NRXN1: variants seen among roughly 807,000 people sequenced by gnomAD.
NRXN1 encodes the protein neurexin-1.
In NRXN1, 39 loss-of-function variants were observed where a neutral mutation model predicts 150.9. The observed-to-expected ratio is 0.26, with a 90% CI of 0.20 to 0.34. NRXN1 has a LOEUF of 0.34. Among genes scored for constraint, NRXN1 ranks in the 10% least tolerant of loss-of-function variants. NRXN1 has a pLI of 1.00. For missense variants in NRXN1, 1,815 were observed against 1,949.9 expected, an observed-to-expected ratio of 0.93 and a Z score of 1.30; for synonymous variants, 924 against 757.0, an observed-to-expected ratio of 1.22 and a Z score of -3.62.
intron 8 of NRXN1, among the ~76,000 whole-genome samples, chr2:50,610,166 A>G (rs2104063020): frequency 6.6e-6 from 1 of 152,206 alleles, no homozygotes; most frequent in South Asian, 2.1e-4. Context: ...ATTAAGAGGA[A>G]CTCCAAAATA....
intron 13 of NRXN1, 127 bp downstream of exon 13, chr2:50,506,368 T>C (rs1037013290): frequency 6.5e-6 from 5 of 772,644 alleles, no homozygotes; most frequent in African/African-American, 5.4e-5. Flanking sequence ...TAGAAAAAAA[T>C]AGAATAAAAA....
chr2:50,896,715 G>A (rs956120917), intron 5 of NRXN1, among the ~76,000 whole-genome samples: 36 of 152,076 alleles, frequency 2.4e-4, no homozygotes, highest in African/African-American at 8.2e-4. Context: ...GTGTGGTGGG[G>A]CATGCCCATA....
chr2:50,938,630 G>A (rs926845001), intron 2 of NRXN1, among the ~76,000 whole-genome samples: 1 of 152,082 alleles, frequency 6.6e-6, no homozygotes, highest in Non-Finnish European at 1.5e-5. Context: ...CCTAAGACTG[G>A]GTAATTCATA....
intron 12 of NRXN1, among the ~76,000 whole-genome samples, chr2:50,526,485 C>T (rs1377567411): frequency 6.6e-6 from 1 of 152,118 alleles, no homozygotes; most frequent in African/African-American, 2.4e-5. Flanking sequence ...GCAAGTTATA[C>T]TGAGATACAG....
At chr2:50,209,953 C>T (rs531799867) in intron 18 of NRXN1, among the ~76,000 whole-genome samples, 19 of 152,010 alleles carry the variant, frequency 1.2e-4, no homozygotes, top group African/African-American at 2.2e-4. Context: ...TATGTATTAA[C>T]GATAATGCTG....
At chr2:50,329,629 A>G (rs1385957502) in intron 17 of NRXN1, among the ~76,000 whole-genome samples, 290 of 4,898 alleles carry the variant, frequency 0.059, 3 homozygotes, top group East Asian at 0.16. Flanking sequence ...ATATATATAT[A>G]TATATATATA....
intron 17 of NRXN1, among the ~76,000 whole-genome samples, chr2:50,285,539 G>T (rs1025970453): frequency 6.6e-6 from 1 of 152,168 alleles, no homozygotes; most frequent in Non-Finnish European, 1.5e-5. Flanking sequence ...CAAATATGGG[G>T]AAAACATGCA....
intron 17 of NRXN1, among the ~76,000 whole-genome samples, chr2:50,240,433 A>T (rs570965779): frequency 1.3e-3 from 201 of 151,666 alleles, no homozygotes; most frequent in Non-Finnish European, 2.3e-3. Context: ...GATTTTTTTT[A>T]AAAAATTAAC....
Position 51,027,566 on chromosome 2 carries a change from C to G in NRXN1, c.708G>C (p.Val236=). The change falls in exon 2 of 23, where the codon GTG becomes GTC. Residue 236 remains valine (V), a synonymous_variant. Transcript: ENST00000401669. The part of the protein sequence containing the change: ...GVCLNGGVCS[V]VDDQAVCDCS... ...AGTCGCACACGGCCTGGTCGTCCACCACGGAGCACACACCTCCGTTGAGGC... is the reference window on the plus strand; with the variant it reads ...AGTCGCACACGGCCTGGTCGTCCACGACGGAGCACACACCTCCGTTGAGGC... The G allele has an allele frequency of 6.2e-7, 1 of 1,600,644 alleles. No individual in the cohort carries two copies. The highest frequency in any genetic ancestry group is 8.5e-7 in the Non-Finnish European group (1 of 1,170,928).
intron 2 of NRXN1, among the ~76,000 whole-genome samples, chr2:51,006,600 C>T (rs1174705328): frequency 6.6e-6 from 1 of 151,554 alleles, no homozygotes; most frequent in African/African-American, 2.4e-5. Flanking sequence ...CTTATAATAA[C>T]CTTCTGTTAC....
At chr2:50,949,305 G>A (rs1343614317) in intron 2 of NRXN1, among the ~76,000 whole-genome samples, 1 of 152,024 alleles carries the variant, frequency 6.6e-6, no homozygotes, top group Non-Finnish European at 1.5e-5. Context: ...GGATGAAAGT[G>A]TTGCTGGTTT....
intron 17 of NRXN1, among the ~76,000 whole-genome samples, chr2:50,274,148 T>C (rs1243146825): frequency 6.6e-6 from 1 of 152,106 alleles, no homozygotes; most frequent in Non-Finnish European, 1.5e-5. Flanking sequence ...AATGACAGAC[T>C]GGATAAAGAA....
At chr2:50,429,988 T>C (rs1233012467) in intron 17 of NRXN1, among the ~76,000 whole-genome samples, 2 of 152,202 alleles carry the variant, frequency 1.3e-5, no homozygotes, top group Non-Finnish European at 2.9e-5. Context: ...GTGCCCTTTA[T>C]ATTCACATAA....
At chr2:50,978,479 T>C (rs1402109616) in intron 2 of NRXN1, among the ~76,000 whole-genome samples, 1 of 151,334 alleles carries the variant, frequency 6.6e-6, no homozygotes, top group Non-Finnish European at 1.5e-5. Flanking sequence ...TACCATACCA[T>C]AATTCAGTTA....
intron 5 of NRXN1, among the ~76,000 whole-genome samples, chr2:50,847,222 C>T (rs981870694): frequency 2.6e-5 from 4 of 151,906 alleles, no homozygotes; most frequent in Non-Finnish European, 5.9e-5. Context: ...CTTCAGTGTT[C>T]TTTTTTTATT....
intron 17 of NRXN1, among the ~76,000 whole-genome samples, chr2:50,359,937 A>C (rs2079072914): frequency 6.6e-6 from 1 of 152,206 alleles, no homozygotes; most frequent in Non-Finnish European, 1.5e-5. Flanking sequence ...GCCAGAAGAG[A>C]GTGGGGATCA....
chr2:50,535,458 CA>C (rs1405174355), intron 10 of NRXN1, among the ~76,000 whole-genome samples: 2 of 152,218 alleles, frequency 1.3e-5, no homozygotes, highest in African/African-American at 4.8e-5. Flanking sequence ...GAAAATCAGA[CA>C]GGGAGCCAAA....
chr2:50,899,868 C>G (rs1198468326), intron 5 of NRXN1, among the ~76,000 whole-genome samples: 1 of 152,108 alleles, frequency 6.6e-6, no homozygotes, highest in Non-Finnish European at 1.5e-5. Flanking sequence ...TCTTCCACAT[C>G]AAACTAATTA....
intron 17 of NRXN1, among the ~76,000 whole-genome samples, chr2:50,389,717 C>T (rs1310217771): frequency 3.9e-5 from 6 of 152,060 alleles, no homozygotes; most frequent in Admixed American, 2.0e-4. Context: ...GTCCATCTTC[C>T]ACTTTTAAAC....
Sources: gnomAD v4.1 joint callset for allele counts (sites outside exome capture counted in the v4.1 genomes callset) on GRCh38, gnomAD v4.1.1 for gene constraint, MANE v1.5 for transcripts, NCBI Gene and HGNC (gene_info 2026-07-23, HGNC 2026-07-21) for gene names.